Variants in ZNF251 observed in about 807,000 individuals in gnomAD.
ZNF251 encodes the protein zinc finger protein 251.
ZNF251 carries 14 observed loss-of-function variants against 13.5 expected under a neutral mutation model. That is an observed-to-expected ratio of 1.04 (90% CI 0.69 to 1.63). The LOEUF is 1.63. ZNF251 is among the 40% of genes most tolerant of loss of function. The pLI is 0.00. For missense variants in ZNF251, 764 were observed against 834.9 expected (o/e 0.92, Z 1.05); for synonymous variants, 287 against 295.2 (o/e 0.97, Z 0.28).
chr8:144,744,334 T>C (rs1039126440), intron 4 of ZNF251, among the ~76,000 whole-genome samples: 36 of 152,210 alleles, frequency 2.4e-4, no homozygotes, highest in African/African-American at 7.2e-4. Context: ...AGCTTGTCAA[T>C]TGTTTCTTCC....
chr8:144,723,570 A>T (rs971882737), intron 4 of ZNF251, among the ~76,000 whole-genome samples, 188 bp from the exon 5 acceptor site: 2 of 152,218 alleles, frequency 1.3e-5, no homozygotes, highest in African/African-American at 4.8e-5. Context: ...ATTCAAGTTC[A>T]TTAGTTATCA....
intron 4 of ZNF251, among the ~76,000 whole-genome samples, chr8:144,751,101 G>A (rs1006314643): frequency 1.4e-4 from 22 of 151,956 alleles, no homozygotes; most frequent in African/African-American, 3.9e-4. Context: ...CACCTGCCTC[G>A]GCCTCCCAAA....
chr8:144,752,377 A>G (rs1199714324), intron 4 of ZNF251, among the ~76,000 whole-genome samples: 1 of 152,340 alleles, frequency 6.6e-6, no homozygotes, highest in Middle Eastern at 3.4e-3. Context: ...TTAAATGACA[A>G]TAACAATAAG....
chr8:144,729,653 GC>G (rs1456598819), intron 4 of ZNF251, among the ~76,000 whole-genome samples: 47 of 151,330 alleles, frequency 3.1e-4, no homozygotes, highest in Admixed American at 3.1e-3. Flanking sequence ...CCTTTTAAAT[GC>G]CAGGGTCCTC....
At chr8:144,751,399 A>T (rs1046883507) in intron 4 of ZNF251, among the ~76,000 whole-genome samples, 2 of 152,208 alleles carry the variant, frequency 1.3e-5, no homozygotes, top group African/African-American at 2.4e-5. Flanking sequence ...TTAAAATGTT[A>T]TGTAGATGTA....
chr8:144,754,384 G>A (rs775305649), intron 2 of ZNF251, 63 bp from the exon 3 acceptor site: 75 of 1,499,706 alleles, frequency 5.0e-5, no homozygotes, highest in Non-Finnish European at 6.4e-5. Flanking sequence ...CACTAAAAGG[G>A]CCCTGACCTG....
Position 144,723,354 on chromosome 8 carries a change from T to C in ZNF251, c.306A>G (p.Leu102=). The C allele has an allele frequency of 1.3e-6, 2 of 1,513,264 alleles. No individual in the cohort carries two copies. The highest frequency in any genetic ancestry group is 1.8e-6 in the Non-Finnish European group (2 of 1,133,486). 93.7% of individuals were successfully genotyped at this position (1,513,264 alleles called of 1,614,324 possible). The part of the protein sequence containing the change: ...KDSEVGTKKE[L]SILNQKFSEE... ...CGGAAAATTTTTGGTTTAAAATAGA[T>C]AGTTCCTTCTTGGTCCCAACCTCAG... Residue 102 remains leucine (L), a synonymous_variant, in exon 5 of 5, where the codon CTA becomes CTG. Coordinates refer to ENST00000292562, the MANE Select transcript of ZNF251 (RefSeq NM_138367.2).
chr8:144,743,283 C>T (rs568933742), intron 4 of ZNF251, among the ~76,000 whole-genome samples: 3 of 152,138 alleles, frequency 2.0e-5, no homozygotes, highest in Non-Finnish European at 2.9e-5. Flanking sequence ...AGGCTCGTCT[C>T]GAACTGCTGA....
chr8:144,726,621 A>C (rs2129934791), intron 4 of ZNF251, among the ~76,000 whole-genome samples: 1 of 152,334 alleles, frequency 6.6e-6, no homozygotes, highest in Non-Finnish European at 1.5e-5. Context: ...CTGTAATCCC[A>C]GCACCTTGGG....
rs1276339017 is a variant in ZNF251, at chr8:144,723,204, C to T, written c.456G>A (p.Gly152=). 1.2e-6 allele frequency: 2 copies of T among 1,612,398 alleles called. No individual in the cohort carries two copies. The highest frequency in any genetic ancestry group is 1.7e-6 in the Non-Finnish European group (2 of 1,179,278). The change falls in exon 5 of 5, where the codon GGG becomes GGA. Residue 152 remains glycine (G), a synonymous_variant. Coordinates refer to ENST00000292562, the MANE Select transcript of ZNF251 (RefSeq NM_138367.2). ...KLKERVGNSA[G]QSLNKPNIHK... The stretch of plus-strand genomic sequence containing the variant: ...GAATATTGGGTTTGTTCAAACTCTG[C>T]CCGGCAGAATTTCCCACGCGCTCTT...
chr8:144,730,170 T>TC, intron 4 of ZNF251: 1 of 962,046 alleles, frequency 1.0e-6, no homozygotes, highest in Non-Finnish European at 1.2e-6. Flanking sequence ...CCATGTTTTA[T>TC]CCACCGGGCC....
Position 144,722,683 on chromosome 8 carries a change from C to T in ZNF251, c.977G>A (p.Cys326Tyr). 1.2e-6 allele frequency: 2 copies of T among 1,614,124 alleles called. No homozygotes were observed. The highest frequency in any genetic ancestry group is 2.2e-5 in the South Asian group (2 of 91,090). ...TGEKPYKCNE[C>Y]GRGFSQSPQL... Reference sequence around the variant, plus strand: ...GGGGCTCTGGCTAAAGCCTCTTCCACATTCATTACACTTGTAGGGTTTCTC... The same window carrying T: ...GGGGCTCTGGCTAAAGCCTCTTCCATATTCATTACACTTGTAGGGTTTCTC... Residue 326 changes from cysteine to tyrosine, a missense_variant, in exon 5 of 5, where the codon TGT (cysteine) becomes TAT (tyrosine). Transcript: ENST00000292562. The surrounding 1 kb of genome is among the most constrained non-coding windows in gnomAD (Gnocchi z 4.8).
At chr8:144,741,651 G>C (rs1824172669) in intron 4 of ZNF251, among the ~76,000 whole-genome samples, 1 of 152,224 alleles carries the variant, frequency 6.6e-6, no homozygotes, top group East Asian at 1.9e-4. Context: ...TCTCAGCAGA[G>C]ACACAGAAAT....
chr8:144,741,118 G>A lies in ZNF251; in HGVS notation c.277+12565C>T, dbSNP rs201900286. 1.7e-3 allele frequency among the ~76,000 whole-genome samples: 262 copies of A among 152,326 alleles called. 2 individuals are homozygous for A. Among genetic ancestry groups the A allele is most frequent in the African/African-American group, 5.7e-3 (238 of 41,578 alleles). On this transcript the variant is annotated intron_variant, in intron 4 of 4. Transcript: ENST00000292562. The stretch of plus-strand genomic sequence containing the variant: ...GAAGGAGCCACAGAAAAGCAGCATC[G>A]CAAACGCAGACGGGCCCGAGGTGGA...
chr8:144,738,461 C>T (rs1824003045), intron 4 of ZNF251: 2 of 763,192 alleles, frequency 2.6e-6, no homozygotes, highest in Admixed American at 6.2e-5. Context: ...CTCCTTGCTA[C>T]ATGGAAATGG....
At chr8:144,748,368 G>T (rs1047251659) in intron 4 of ZNF251, among the ~76,000 whole-genome samples, 3 of 152,204 alleles carry the variant, frequency 2.0e-5, no homozygotes, top group Admixed American at 2.0e-4. Context: ...CACTGTGCCT[G>T]GCCAACCTCA....
chr8:144,732,613 C>A (rs554625673), intron 4 of ZNF251, among the ~76,000 whole-genome samples: 15 of 150,224 alleles, frequency 1.0e-4, no homozygotes, highest in East Asian at 2.1e-4. Flanking sequence ...GAGATGGAGA[C>A]CATCCTGGCC....
Position 144,748,897 on chromosome 8 carries a change from C to T in ZNF251, c.277+4786G>A, listed in dbSNP as rs890400886. Among the ~76,000 whole-genome samples the T allele has an allele frequency of 2.6e-5, 4 of 152,268 alleles. No individual in the cohort carries two copies. In the East Asian group the frequency reaches 7.7e-4, roughly 29 times the overall value. On this transcript the variant is annotated intron_variant, in intron 4 of 4. Transcript: ENST00000292562. Reference sequence around the variant, plus strand: ...TATAGAAAACACAGTTGGGGCCAGGCACTGTGGCCTGTAATACCAGTGCTT... The same window carrying T: ...TATAGAAAACACAGTTGGGGCCAGGTACTGTGGCCTGTAATACCAGTGCTT...
rs11997939 is a variant in ZNF251 at position 144,738,682 on chromosome 8, G to A, written c.277+15001C>T. The A allele has an allele frequency of 2.4e-3, 2,389 of 985,078 alleles. 43 individuals are homozygous for A. In the African/African-American group the frequency reaches 0.039, roughly 16 times the overall value. 61.0% of individuals were successfully genotyped at this position (985,078 alleles called of 1,614,324 possible). A position where few individuals can be genotyped will look rare whatever the true frequency, so the allele number is the denominator to read the frequency against. ...CAAGTGGAAACAGCACAGTTCTCTCGTTCAAGGCAACCTCGTGGGGGCACC... is the reference window on the plus strand; with the variant it reads ...CAAGTGGAAACAGCACAGTTCTCTCATTCAAGGCAACCTCGTGGGGGCACC... On this transcript the variant is annotated intron_variant, in intron 4 of 4. Coordinates refer to ENST00000292562, the MANE Select transcript of ZNF251 (RefSeq NM_138367.2).
Sources: gnomAD v4.1 joint callset for allele counts (sites outside exome capture counted in the v4.1 genomes callset) on GRCh38, gnomAD v4.1.1 for gene constraint, Gnocchi (gnomAD v3.1) non-coding constraint, MANE v1.5 for transcripts, NCBI Gene and HGNC (gene_info 2026-07-23, HGNC 2026-07-21) for gene names.